The following ANKS1A variants were observed in gnomAD, a reference collection of about 807,000 sequenced individuals.
ANKS1A encodes ankyrin repeat and SAM domain-containing protein 1A.
ANKS1A carries 55 observed loss-of-function variants against 120.3 expected under a neutral mutation model. The observed-to-expected ratio is 0.46, with a 90% confidence interval of 0.37 to 0.57. The LOEUF is 0.57. Ranked by LOEUF, ANKS1A falls within the 20% of genes least tolerant of loss-of-function variation. ANKS1A has a pLI of 0.00. For missense variants in ANKS1A, 1,123 were observed against 1,480.3 expected (o/e 0.76, Z 3.96); for synonymous variants, 590 against 604.7 (o/e 0.98, Z 0.36).
chr6:34,981,348 T>C (rs1373343463), intron 3 of ANKS1A, among the ~76,000 whole-genome samples: 1 of 152,178 alleles, frequency 6.6e-6, no homozygotes, highest in Non-Finnish European at 1.5e-5. Flanking sequence ...ATAGCAGTGA[T>C]ATTATTGGTA....
intron 1 of ANKS1A, among the ~76,000 whole-genome samples, chr6:34,925,282 C>T (rs1768652651): frequency 6.6e-6 from 1 of 152,032 alleles, no homozygotes; most frequent in South Asian, 2.1e-4. Flanking sequence ...AGTTTTCTCC[C>T]TTAAGTGGTG....
At chr6:34,985,477 G>A (rs560347212) in intron 8 of ANKS1A, among the ~76,000 whole-genome samples, 199 bp downstream of exon 8, 1 of 152,328 alleles carries the variant, frequency 6.6e-6, no homozygotes, top group Non-Finnish European at 1.5e-5. Context: ...ATCACACTGA[G>A]GTTAGAGTTT....
Position 34,890,283 on chromosome 6 carries a change from G to A in ANKS1A, c.197+684G>A, listed in dbSNP as rs183746803. ...ATTTTTGTATTTTTAGTAGAGACGG[G>A]GTTTCACCATATTGGCCAGGCTGGT... On this transcript the variant is annotated intron_variant, in intron 1 of 23. Coordinates refer to ENST00000360359, the MANE Select transcript of ANKS1A (RefSeq NM_015245.3). Among the ~76,000 whole-genome samples the A allele has an allele frequency of 4.2e-3, 636 of 152,194 alleles. 6 individuals carry two copies. The highest frequency in any genetic ancestry group is 0.027 in the Middle Eastern group (8 of 294).
chr6:34,941,931 A>G lies in ANKS1A; in HGVS notation c.198-25308A>G, dbSNP rs35392585. ...GATACTGAGATCCAGCACCTCTAGGAGCTGTTCTCTATGTAGTTGTTGTTA... is the reference window on the plus strand; with the variant it reads ...GATACTGAGATCCAGCACCTCTAGGGGCTGTTCTCTATGTAGTTGTTGTTA... On this transcript the variant is annotated intron_variant, in intron 1 of 23. Transcript: ENST00000360359. Among the ~76,000 whole-genome samples, 171 of 152,298 alleles carry G rather than the reference A, an allele frequency of 1.1e-3. 1 individual carries two copies. Among genetic ancestry groups the G allele is most frequent in the Middle Eastern group, 6.8e-3 (2 of 294 alleles).
intron 1 of ANKS1A, among the ~76,000 whole-genome samples, chr6:34,920,311 G>T (rs1449172589): frequency 6.6e-6 from 1 of 151,874 alleles, no homozygotes; most frequent in Non-Finnish European, 1.5e-5. Flanking sequence ...GAACTTTTGC[G>T]CTCAAGCAGT....
intron 10 of ANKS1A, among the ~76,000 whole-genome samples, chr6:35,000,588 AT>A (rs563147712): frequency 1.7e-3 from 262 of 152,304 alleles, no homozygotes; most frequent in African/African-American, 5.9e-3. Flanking sequence ...AAAGAAAAAA[AT>A]GTTTGTAATA....
intron 10 of ANKS1A, among the ~76,000 whole-genome samples, chr6:35,016,933 CTCT>C (rs1774041272): frequency 2.7e-5 from 3 of 110,182 alleles, no homozygotes; most frequent in Non-Finnish European, 5.5e-5. Context: ...GGATCATGAC[CTCT>C]TTTTTTTTTT....
In ANKS1A at chr6:35,015,768, G is replaced by C. The variant is rs1041367093; in HGVS notation, c.1424-1705G>C. On this transcript the variant is annotated intron_variant, in intron 10 of 23. Transcript: ENST00000360359. ...CTGGTTGTTGAGACATTTCTTAAAG[G>C]CTGTTTTGAAAAAACCACTGTTGCA... Among the ~76,000 whole-genome samples the C allele has an allele frequency of 7.2e-5, 11 of 152,204 alleles. No homozygotes were observed. In the East Asian group the frequency reaches 2.1e-3, roughly 29 times the overall value.
chr6:35,072,623 A>T (rs1279398032), intron 13 of ANKS1A, among the ~76,000 whole-genome samples: 1 of 152,088 alleles, frequency 6.6e-6, no homozygotes, highest in South Asian at 2.1e-4. Flanking sequence ...TTTCTCCCTT[A>T]TTGGAGGCCC....
chr6:34,995,535 C>G (rs1217056465), intron 10 of ANKS1A, among the ~76,000 whole-genome samples: 1 of 152,036 alleles, frequency 6.6e-6, no homozygotes, highest in Non-Finnish European at 1.5e-5. Context: ...CAGTTTCATC[C>G]CCAAAATTTT....
intron 10 of ANKS1A, among the ~76,000 whole-genome samples, chr6:35,012,456 C>G (rs1415228640): frequency 1.3e-5 from 2 of 152,196 alleles, no homozygotes. Flanking sequence ...ACTATAGTGA[C>G]TAGGCAGCTG....
At chr6:34,984,404 G>T (rs1214437033) in intron 7 of ANKS1A, among the ~76,000 whole-genome samples, 1 of 152,132 alleles carries the variant, frequency 6.6e-6, no homozygotes, top group African/African-American at 2.4e-5. Flanking sequence ...CGGGCTGAAG[G>T]GTGCCCAGCT....
chr6:35,083,625 G>GTC, intron 20 of ANKS1A, 122 bp downstream of exon 20: 1 of 910,158 alleles, frequency 1.1e-6, no homozygotes, highest in Admixed American at 2.1e-5. Flanking sequence ...AGGGTCCCCA[G>GTC]TCCTCTTATT....
chr6:35,089,401 A>G lies in ANKS1A; in HGVS notation c.*792A>G, dbSNP rs1778178034. On this transcript the variant is annotated 3_prime_UTR_variant, in exon 24 of 24. Transcript: ENST00000360359. ...TGGCCTCTTACCTGTCAGTGATCGG[A>G]GCACTGCCCTGGGCTGGCCGGCGCC... 1 of 986,788 alleles carries G rather than the reference A, an allele frequency of 1.0e-6. No homozygotes were observed. The highest frequency in any genetic ancestry group is 1.2e-6 in the Non-Finnish European group (1 of 830,660). 61.1% of individuals were successfully genotyped at this position (986,788 alleles called of 1,614,324 possible).
intron 13 of ANKS1A, among the ~76,000 whole-genome samples, chr6:35,076,577 A>C (rs1378264488): frequency 6.6e-6 from 1 of 152,212 alleles, no homozygotes; most frequent in Non-Finnish European, 1.5e-5. Flanking sequence ...TATGGGCCTC[A>C]GCTTCCTCAG....
At position 34,983,617 on chromosome 6, in the gene ANKS1A, G is replaced by GGC. The variant is rs1298436315; in HGVS notation, c.1012+193_1012+194dup. ...GACATAGTTTATGCTTTTGACTGTG[G>GGC]GCCTCTTTCCTACTTTATTTTAGCC... On this transcript the variant is annotated intron_variant, in intron 7 of 23. Coordinates refer to ENST00000360359, the MANE Select transcript of ANKS1A (RefSeq NM_015245.3). Among the ~76,000 whole-genome samples the GGC allele has an allele frequency of 3.9e-5, 6 of 151,996 alleles. No individual in the cohort carries two copies. In the East Asian group the frequency reaches 9.7e-4, roughly 24 times the overall value.
intron 1 of ANKS1A, among the ~76,000 whole-genome samples, chr6:34,941,228 G>C (rs864037): frequency 0.81 from 122,811 of 152,152 alleles, 50,304 homozygotes; most frequent in African/African-American, 0.95. Flanking sequence ...CCTTGTGATC[G>C]GCCTGCCTTG....
At chr6:35,071,207 C>T (rs774489203) in intron 13 of ANKS1A, among the ~76,000 whole-genome samples, 4 of 152,154 alleles carry the variant, frequency 2.6e-5, no homozygotes, top group Non-Finnish European at 5.9e-5. Flanking sequence ...CAGTGCATAC[C>T]TCACATATAT....
At position 35,084,938 on chromosome 6, in the gene ANKS1A, C is replaced by T. The variant is rs1777887227; in HGVS notation, c.3132+680C>T. On this transcript the variant is annotated intron_variant, in intron 21 of 23. Transcript: ENST00000360359. The surrounding 1 kb of genome is among the most constrained non-coding windows in gnomAD (Gnocchi z 4.8). ...AAAGCATGAGAGTGGCCCCAGGCTGCTTCCTCACCCCGGGAGGAAGTCAGA... is the reference window on the plus strand; with the variant it reads ...AAAGCATGAGAGTGGCCCCAGGCTGTTTCCTCACCCCGGGAGGAAGTCAGA... Among the ~76,000 whole-genome samples, 1 of 152,196 alleles carries T rather than the reference C, an allele frequency of 6.6e-6. No homozygotes were observed. Among genetic ancestry groups the T allele is most frequent in the Non-Finnish European group, 1.5e-5 (1 of 68,028 alleles).
Sources: allele counts gnomAD v4.1 joint callset (sites outside exome capture counted in the v4.1 genomes callset), GRCh38; gene constraint gnomAD v4.1.1; non-coding constraint Gnocchi (gnomAD v3.1); transcripts MANE v1.5; gene names NCBI Gene and HGNC (gene_info 2026-07-23, HGNC 2026-07-21).